The following KDM7A variants were observed in gnomAD, a reference collection of about 807,000 sequenced individuals.
KDM7A encodes lysine-specific demethylase 7A.
KDM7A carries 28 observed loss-of-function variants against 114.8 expected under a neutral mutation model. The observed-to-expected ratio is 0.24, with a 90% CI of 0.18 to 0.33. KDM7A has a LOEUF of 0.33. Ranked by LOEUF, KDM7A falls within the 10% of genes least tolerant of loss-of-function variation. The pLI, the probability that KDM7A is intolerant of heterozygous loss-of-function variation, is 1.00. For missense variants in KDM7A, 942 were observed against 1,142.5 expected (o/e 0.82, Z 2.53); for synonymous variants, 423 against 397.8 (o/e 1.06, Z -0.75).
At position 140,091,875 on chromosome 7, in the gene KDM7A, A is replaced by G; in HGVS notation, c.2660T>C (p.Phe887Ser). 1 of 1,613,828 alleles carries G rather than the reference A, an allele frequency of 6.2e-7. No homozygotes were observed. Among genetic ancestry groups the G allele is most frequent in the Middle Eastern group, 1.6e-4 (1 of 6,062 alleles). ...SPERPVGETS[F>S]SVPLHPTKRP... ...CTTGGTGGGGTGAAGGGGCACCGAG[A>G]AGGAAGTTTCACCAACTGGCCTTTC... The change falls in exon 19 of 20, where the codon TTC (phenylalanine) becomes TCC (serine). Residue 887 changes from phenylalanine (F) to serine (S), a missense_variant. Physicochemically the swap from Phe to Ser is radical, Grantham distance 155. Around this residue, in one of 4 missense-constraint regions of KDM7A, gnomAD observed 512 missense variants for 576.6 expected, o/e 0.89. Coordinates refer to ENST00000397560, the MANE Select transcript of KDM7A (RefSeq NM_030647.2).
intron 1 of KDM7A, among the ~76,000 whole-genome samples, chr7:140,141,908 A>G (rs1794286267): frequency 6.6e-6 from 1 of 151,118 alleles, no homozygotes; most frequent in Non-Finnish European, 1.5e-5. Context: ...AAAAAGAAAG[A>G]TATATATCTT....
chr7:140,135,037 TAA>T (rs58259207), intron 2 of KDM7A, among the ~76,000 whole-genome samples: 22,105 of 127,312 alleles, frequency 0.17, 1,786 homozygotes, highest in African/African-American at 0.23. Context: ...TAAGTCCCAT[TAA>T]AAAAAAAAAA....
At position 140,111,109 on chromosome 7, in the gene KDM7A, T is replaced by C. The variant is rs746001750; in HGVS notation, c.1414A>G (p.Ile472Val). The change falls in exon 11 of 20, where the codon ATT becomes GTT. Residue 472 changes from isoleucine (I) to valine (V), a missense_variant. This residue lies in a region of KDM7A where 512 missense variants were observed against 576.6 expected (regional missense o/e 0.89). Transcript: ENST00000397560. ...GHLIKELSKV[I>V]RAIEEENGKP... is the part of the protein sequence containing the mutation. ...TCCACTCTTACCTCTATTGCTCGAATTACTTTAGAAAGTTCTTTAATAAGG... is the reference window on the plus strand; with the variant it reads ...TCCACTCTTACCTCTATTGCTCGAACTACTTTAGAAAGTTCTTTAATAAGG... 3.1e-6 allele frequency: 5 copies of C among 1,591,176 alleles called. No individual in the cohort carries two copies. The East Asian group carries it at 9.0e-5, about 28-fold the overall frequency.
At chr7:140,101,445 T>C (rs4726604) in intron 12 of KDM7A, among the ~76,000 whole-genome samples, 11,101 of 152,286 alleles carry the variant, frequency 0.073, 482 homozygotes, top group Non-Finnish European at 0.11. Context: ...CTTCTTCCTA[T>C]TTGTTACTCA....
At chr7:140,096,824 A>C in intron 16 of KDM7A, 61 bp from the exon 17 acceptor site, 2 of 1,592,008 alleles carry the variant, frequency 1.3e-6, no homozygotes, top group Non-Finnish European at 1.7e-6. Flanking sequence ...TTTTTGGTAA[A>C]ATTTAAAACT....
At chr7:140,134,430 G>C (rs750810561) in intron 2 of KDM7A, among the ~76,000 whole-genome samples, 5 of 152,138 alleles carry the variant, frequency 3.3e-5, no homozygotes, top group Non-Finnish European at 5.9e-5. Flanking sequence ...CTGTGTGGAA[G>C]AACCCTTCAC....
intron 1 of KDM7A, among the ~76,000 whole-genome samples, chr7:140,146,076 C>G (rs1270081414): frequency 6.6e-6 from 1 of 152,128 alleles, no homozygotes; most frequent in Non-Finnish European, 1.5e-5. Flanking sequence ...CAGGTTTGGG[C>G]CAGTTCTAAT....
intron 1 of KDM7A, among the ~76,000 whole-genome samples, chr7:140,170,386 TAGAG>T (rs1182939606): frequency 2.0e-5 from 3 of 152,208 alleles, no homozygotes; most frequent in African/African-American, 7.2e-5. Context: ...ACCCCTGAGA[TAGAG>T]ACAGACAAGT....
rs1305312000 is a variant in KDM7A, at chr7:140,090,992, T to C, written c.*102A>G. On this transcript the variant is annotated 3_prime_UTR_variant, in exon 20 of 20. Coordinates refer to ENST00000397560, the MANE Select transcript of KDM7A (RefSeq NM_030647.2). ...TCTGTTCTTCGGGCAGTGTTCTTACTATACACACAAACTGCTCCAGGCAGG... is the reference window on the plus strand; with the variant it reads ...TCTGTTCTTCGGGCAGTGTTCTTACCATACACACAAACTGCTCCAGGCAGG... The C allele has an allele frequency of 1.1e-5, 9 of 799,040 alleles. No homozygotes were observed. The highest frequency in any genetic ancestry group is 1.8e-5 in the Non-Finnish European group (8 of 455,290). The allele number at this position is 799,040 out of a possible 1,614,324, so 49.5% of individuals were successfully genotyped here.
At chr7:140,171,529 T>A (rs1794639182) in intron 1 of KDM7A, among the ~76,000 whole-genome samples, 1 of 144,760 alleles carries the variant, frequency 6.9e-6, no homozygotes, top group Non-Finnish European at 1.5e-5. Flanking sequence ...AAATATATAT[T>A]TATTTATATA....
chr7:140,150,856 T>C (rs1794392460), intron 1 of KDM7A, among the ~76,000 whole-genome samples: 1 of 150,066 alleles, frequency 6.7e-6, no homozygotes, highest in Admixed American at 6.6e-5. Context: ...TGAGACGAGT[T>C]CCACTCTTGT....
In KDM7A at chr7:140,107,166, C is replaced by T. The variant is rs1461866945; in HGVS notation, c.1428+3929G>A. Among the ~76,000 whole-genome samples, 6 of 152,244 alleles carry T rather than the reference C, an allele frequency of 3.9e-5. No individual in the cohort carries two copies. The East Asian group carries it at 1.2e-3, about 29-fold the overall frequency. The stretch of plus-strand genomic sequence containing the variant: ...CCCTTTATTTTGAGCCTATGTGTGT[C>T]TCTGCACGTCAGATGGGTCTCTGAA... On this transcript the variant is annotated intron_variant, in intron 11 of 19. Transcript: ENST00000397560.
At position 140,101,913 on chromosome 7, in the gene KDM7A, C is replaced by T. The variant is rs543718742; in HGVS notation, c.1638+38G>A. On this transcript the variant is annotated intron_variant, in intron 12 of 19. Transcript: ENST00000397560. The stretch of plus-strand genomic sequence containing the variant: ...TCCCTATAAAGACTTTAAGGAACAG[C>T]CAAGTTTCTTTTTGTTGTCATGAAA... 7.2e-6 allele frequency: 10 copies of T among 1,380,232 alleles called. No homozygotes were observed. The African/African-American group carries it at 1.3e-4, about 18-fold the overall frequency. 85.5% of individuals were successfully genotyped at this position (1,380,232 alleles called of 1,614,324 possible). A position where few individuals can be genotyped will look rare whatever the true frequency, so the allele number is the denominator to read the frequency against.
At chr7:140,105,483 A>G (rs941069225) in intron 11 of KDM7A, among the ~76,000 whole-genome samples, 27 of 152,204 alleles carry the variant, frequency 1.8e-4, no homozygotes, top group African/African-American at 6.3e-4. Context: ...CTTTATTAAG[A>G]GTTTTTAGCA....
chr7:140,086,808 T>C lies in KDM7A; in HGVS notation c.*4286A>G, dbSNP rs1015988671. The stretch of plus-strand genomic sequence containing the variant: ...AGCGACACTCTGTCTAGGCTAAAGA[T>C]CTGATGATCCAGCTTCCCAAGACTG... On this transcript the variant is annotated 3_prime_UTR_variant, in exon 20 of 20. Coordinates refer to ENST00000397560, the MANE Select transcript of KDM7A (RefSeq NM_030647.2). 1 of 152,282 alleles carries C rather than the reference T, an allele frequency of 6.6e-6. No individual in the cohort carries two copies. The highest frequency in any genetic ancestry group is 1.5e-5 in the Non-Finnish European group (1 of 68,016). 9.4% of individuals were successfully genotyped at this position (152,282 alleles called of 1,614,324 possible).
chr7:140,137,819 T>C (rs1409681857), intron 2 of KDM7A, among the ~76,000 whole-genome samples: 1 of 152,144 alleles, frequency 6.6e-6, no homozygotes, highest in Non-Finnish European at 1.5e-5. Context: ...AAGTCTCTTT[T>C]GAAAAAATAG....
intron 9 of KDM7A, among the ~76,000 whole-genome samples, chr7:140,118,861 A>T (rs1355004024): frequency 6.6e-6 from 1 of 152,212 alleles, no homozygotes; most frequent in African/African-American, 2.4e-5. Flanking sequence ...GAACATTTCT[A>T]ATATTACCTA....
intron 1 of KDM7A, among the ~76,000 whole-genome samples, chr7:140,153,243 T>C (rs987029510): frequency 7.3e-5 from 11 of 151,382 alleles, no homozygotes; most frequent in South Asian, 2.1e-4. Context: ...AAAGTAACCA[T>C]GCGTGAGGCC....
At chr7:140,156,014 T>G (rs1411993901) in intron 1 of KDM7A, among the ~76,000 whole-genome samples, 1 of 152,238 alleles carries the variant, frequency 6.6e-6, no homozygotes, top group East Asian at 1.9e-4. Flanking sequence ...TGCCAATTAA[T>G]CTGTGAAATG....
Sources: gnomAD v4.1 joint callset for allele counts (sites outside exome capture counted in the v4.1 genomes callset) on GRCh38, gnomAD v4.1.1 for gene constraint, gnomAD v4.1.1 regional missense constraint, MANE v1.5 for transcripts, NCBI Gene and HGNC (gene_info 2026-07-23, HGNC 2026-07-21) for gene names.